Variants in ACAN observed in about 807,000 individuals in gnomAD.
ACAN encodes aggrecan core protein.
Under a neutral mutation model 169.1 loss-of-function variants are expected in ACAN, and 47 were observed. The ratio of observed to expected loss-of-function variants is 0.28; its 90% CI spans 0.22 to 0.35. The LOEUF is 0.35. ACAN is among the 10% of genes least tolerant of loss of function. The pLI is 1.00. For synonymous variants in ACAN, 1,115 were observed against 1,112.2 expected (o/e 1.00, Z -0.05); for missense variants, 2,716 against 2,759.9 (o/e 0.98, Z 0.36).
At chr15:88,813,873 A>G (rs1193997478) in intron 1 of ACAN, among the ~76,000 whole-genome samples, 1 of 152,154 alleles carries the variant, frequency 6.6e-6, no homozygotes, top group Admixed American at 6.5e-5. Flanking sequence ...TCACCTCCAG[A>G]ATAATCTGCT....
At chr15:88,816,907 A>G (rs1331397665) in intron 1 of ACAN, among the ~76,000 whole-genome samples, 1 of 152,182 alleles carries the variant, frequency 6.6e-6, no homozygotes, top group African/African-American at 2.4e-5. Flanking sequence ...AATCTGTTGA[A>G]CACAGTAACA....
rs772883781 is a variant in ACAN at position 88,871,444 on chromosome 15, G to A, written c.7123G>A (p.Asp2375Asn). 1 of 1,613,840 alleles carries A rather than the reference G, an allele frequency of 6.2e-7. No homozygotes were observed. Among genetic ancestry groups the A allele is most frequent in the African/African-American group, 1.3e-5 (1 of 74,944 alleles). Residue 2375 changes from aspartate (D) to asparagine (N), a missense_variant, in exon 15 of 19, where the codon GAC becomes AAC. This residue lies in a region of ACAN where 1,389 missense variants were observed against 1,363.7 expected (regional missense o/e 1.02). Coordinates refer to ENST00000560601, the MANE Select transcript of ACAN (RefSeq NM_001369268.1). This position sits in a 1 kb window ranked among gnomAD's most constrained non-coding sequence, Gnocchi z 7.8. ...YQGHCYRHFPDRETWVDAERR... is the reference protein window; with the variant it reads ...YQGHCYRHFPNRETWVDAERR... ...GGGCCACTGTTACCGCCACTTCCCG[G>A]ACCGCGAGACCTGGGTGGATGCTGA...
intron 1 of ACAN, among the ~76,000 whole-genome samples, chr15:88,831,166 T>C (rs1896352501): frequency 6.6e-6 from 1 of 152,242 alleles, no homozygotes; most frequent in Non-Finnish European, 1.5e-5. Context: ...ATGCATAAAA[T>C]GGACTCTGGC....
Position 88,839,997 on chromosome 15 carries a change from G to T in ACAN, c.455-15G>T. 6.3e-7 allele frequency: 1 copy of T among 1,591,598 alleles called. No individual in the cohort carries two copies. Among genetic ancestry groups the T allele is most frequent in the East Asian group, 2.3e-5 (1 of 44,020 alleles). On this transcript the variant is annotated splice_polypyrimidine_tract_variant and intron_variant, in intron 3 of 18. Coordinates refer to ENST00000560601, the MANE Select transcript of ACAN (RefSeq NM_001369268.1). This position sits in a 1 kb window ranked among gnomAD's most constrained non-coding sequence, Gnocchi z 4.5. ...GACCAGCTCTTCCGCTTGTGGGCGTGTATGTGTCTTGCAGGCATCGTGTTC... is the reference window on the plus strand; with the variant it reads ...GACCAGCTCTTCCGCTTGTGGGCGTTTATGTGTCTTGCAGGCATCGTGTTC...
At position 88,858,980 on chromosome 15, in the gene ACAN, C is replaced by G. The variant is rs765927279; in HGVS notation, c.6395C>G (p.Thr2132Ser). Residue 2132 changes from threonine (T) to serine (S), a missense_variant, in exon 12 of 19, where the codon ACC becomes AGC. Thr to Ser is a moderately conservative substitution (Grantham distance 58). Around this residue, in one of 3 missense-constraint regions of ACAN, gnomAD observed 1,389 missense variants for 1,363.7 expected, o/e 1.02. Coordinates refer to ENST00000560601, the MANE Select transcript of ACAN (RefSeq NM_001369268.1). This position sits in a 1 kb window ranked among gnomAD's most constrained non-coding sequence, Gnocchi z 4.0. ...EDSGSPDLSE[T>S]TSAFHEANLE... Reference sequence around the variant, plus strand: ...TCTGGGTCCCCTGATCTGAGTGAAACCACCTCTGCATTCCACGAAGCTAAC... The same window carrying G: ...TCTGGGTCCCCTGATCTGAGTGAAAGCACCTCTGCATTCCACGAAGCTAAC... 3.1e-6 allele frequency: 5 copies of G among 1,613,672 alleles called. No homozygotes were observed. Among genetic ancestry groups the G allele is most frequent in the Non-Finnish European group, 4.2e-6 (5 of 1,179,800 alleles).
At chr15:88,840,284 G>A (rs1896618954) in intron 4 of ACAN, 98 bp downstream of exon 4, 1 of 1,402,290 alleles carries the variant, frequency 7.1e-7, no homozygotes, top group Admixed American at 2.4e-5. Context: ...CTGAGCTGGT[G>A]CCAGCATGAC....
rs1388558866 is a variant in ACAN at position 88,839,646 on chromosome 15, C to T, written c.455-366C>T. Among the ~76,000 whole-genome samples, 1 of 152,170 alleles carries T rather than the reference C, an allele frequency of 6.6e-6. No homozygotes were observed. Among genetic ancestry groups the T allele is most frequent in the Non-Finnish European group, 1.5e-5 (1 of 68,046 alleles). On this transcript the variant is annotated intron_variant, in intron 3 of 18. Coordinates refer to ENST00000560601, the MANE Select transcript of ACAN (RefSeq NM_001369268.1). The surrounding 1 kb of genome is among the most constrained non-coding windows in gnomAD (Gnocchi z 4.5). ...TAAATGAGGTTTCCACTAGGGTGGCCCTGGGCTGAGGGTGCAGGGCATTCT... is the reference window on the plus strand; with the variant it reads ...TAAATGAGGTTTCCACTAGGGTGGCTCTGGGCTGAGGGTGCAGGGCATTCT...
Position 88,868,408 on chromosome 15 carries a change from A to C in ACAN, c.7060+79A>C. On this transcript the variant is annotated intron_variant, in intron 14 of 18. Transcript: ENST00000560601. The surrounding 1 kb of genome is among the most constrained non-coding windows in gnomAD (Gnocchi z 5.2). Reference sequence around the variant, plus strand: ...TCCCTCACCTTTCCCTCCTAACAACAGGCTCCAGGCCCTGGCTGGGGCCCC... The same window carrying C: ...TCCCTCACCTTTCCCTCCTAACAACCGGCTCCAGGCCCTGGCTGGGGCCCC... The C allele has an allele frequency of 3.1e-6, 2 of 647,262 alleles. No homozygotes were observed. Among genetic ancestry groups the C allele is most frequent in the South Asian group, 3.4e-5 (2 of 58,290 alleles). The allele number at this position is 647,262 out of a possible 1,614,324, so 40.1% of individuals were successfully genotyped here.
At position 88,815,536 on chromosome 15, in the gene ACAN, G is replaced by A. The variant is rs544587637; in HGVS notation, c.-8+11727G>A. Among the ~76,000 whole-genome samples, 4 of 149,268 alleles carry A rather than the reference G, an allele frequency of 2.7e-5. No individual in the cohort carries two copies. In the South Asian group the frequency reaches 8.6e-4, roughly 32 times the overall value. On this transcript the variant is annotated intron_variant, in intron 1 of 18. Coordinates refer to ENST00000560601, the MANE Select transcript of ACAN (RefSeq NM_001369268.1). ...ATCATGCCACTGCACTCCAGCCTGG[G>A]TGACAGAGCGAGACTCCAACTCAAG...
rs893992655 is a variant in ACAN, at chr15:88,875,284, G to A, written c.*803G>A. 1 of 144,808 alleles carries A rather than the reference G, an allele frequency of 6.9e-6. No homozygotes were observed. Among genetic ancestry groups the A allele is most frequent in the Non-Finnish European group, 1.5e-5 (1 of 66,264 alleles). 9.0% of individuals were successfully genotyped at this position (144,808 alleles called of 1,614,324 possible). ...GGGACCGTGCAGGCACCAGGGTTCC[G>A]TGCACCTATTTATATTTTTGAAAAC... On this transcript the variant is annotated 3_prime_UTR_variant, in exon 19 of 19. Coordinates refer to ENST00000560601, the MANE Select transcript of ACAN (RefSeq NM_001369268.1). The surrounding 1 kb of genome is among the most constrained non-coding windows in gnomAD (Gnocchi z 4.8).
At position 88,871,526 on chromosome 15, in the gene ACAN, A is replaced by G; in HGVS notation, c.7205A>G (p.Gln2402Arg). The G allele has an allele frequency of 6.2e-7, 1 of 1,613,088 alleles. No homozygotes were observed. Residue 2402 changes from glutamine to arginine, a missense_variant, in exon 15 of 19, where the codon CAG (glutamine) becomes CGG (arginine). By Grantham distance (43) the Gln-to-Arg change is conservative. Transcript: ENST00000560601. This position sits in a 1 kb window ranked among gnomAD's most constrained non-coding sequence, Gnocchi z 7.8. The stretch of plus-strand genomic sequence containing the variant: ...AGCAGCATCGTCACCCCCGAGGAGC[A>G]GGAGTTTGTCAACAGTGAGTGCGGC... Reference protein sequence around the residue: ...HLSSIVTPEEQEFVNNNAQDY... With the variant: ...HLSSIVTPEEREFVNNNAQDY...
chr15:88,863,391 T>A lies in ACAN; in HGVS notation c.6946+2952T>A, dbSNP rs148681328. 3.2e-3 allele frequency among the ~76,000 whole-genome samples: 480 copies of A among 152,304 alleles called. 2 individuals are homozygous for A. The highest frequency in any genetic ancestry group is 0.02 in the Middle Eastern group (6 of 294). On this transcript the variant is annotated intron_variant, in intron 13 of 18. Coordinates refer to ENST00000560601, the MANE Select transcript of ACAN (RefSeq NM_001369268.1). ...TCACCTGGAGTGCTTTTAAAAAGCA[T>A]CATGCCTGGGCCCCACTCTGAGATA... is the stretch of plus-strand genomic sequence containing the variant.
chr15:88,863,668 G>T (rs1881119321), intron 13 of ACAN, among the ~76,000 whole-genome samples: 1 of 152,122 alleles, frequency 6.6e-6, no homozygotes, highest in Admixed American at 6.5e-5. Context: ...CTATTTTTCA[G>T]TTTCTAGGTT....
chr15:88,858,114 A>G lies in ACAN; in HGVS notation c.5529A>G (p.Thr1843=), dbSNP rs1320035309. Residue 1843 remains threonine, a synonymous_variant, in exon 12 of 19, where the codon ACA becomes ACG. Coordinates refer to ENST00000560601, the MANE Select transcript of ACAN (RefSeq NM_001369268.1). The surrounding 1 kb of genome is among the most constrained non-coding windows in gnomAD (Gnocchi z 4.0). ...GTTTGGTTGAAGTGGCCCCTACTAC[A>G]TTTAAAGAAGAAGAAGGCTTAGGGT... The part of the protein sequence containing the change: ...DTSLVEVAPT[T]FKEEEGLGSV... 3.7e-6 allele frequency: 6 copies of G among 1,613,698 alleles called. No individual in the cohort carries two copies. In the African/African-American group the frequency reaches 6.7e-5, roughly 18 times the overall value.
chr15:88,873,982 C>T lies in ACAN; in HGVS notation c.7588C>T (p.Pro2530Ser), dbSNP rs754092324. The change falls in exon 18 of 19, where the codon CCC (proline) becomes TCC (serine). Residue 2530 changes from proline to serine, a missense_variant. By Grantham distance (74) the Pro-to-Ser change is moderately conservative. Coordinates refer to ENST00000560601, the MANE Select transcript of ACAN (RefSeq NM_001369268.1). The surrounding 1 kb of genome is among the most constrained non-coding windows in gnomAD (Gnocchi z 7.5). ...CCACATGCCCACCATCCGGTGCCAG[C>T]CCAGCGGGCACTGGGAGGAGCCTCA... is the stretch of plus-strand genomic sequence containing the variant. The part of the protein sequence containing the change: ...QRHMPTIRCQ[P>S]SGHWEEPQIT... 1.9e-6 allele frequency: 3 copies of T among 1,612,942 alleles called. No individual in the cohort carries two copies. The highest frequency in any genetic ancestry group is 1.7e-6 in the Non-Finnish European group (2 of 1,179,820).
In ACAN at chr15:88,845,819, T is replaced by C. The variant is rs181736584; in HGVS notation, c.1366T>C (p.Phe456Leu). 8,834 of 1,540,434 alleles carry C rather than the reference T, an allele frequency of 5.7e-3. 31 individuals carry two copies. The highest frequency in any genetic ancestry group is 6.3e-3 in the Non-Finnish European group (7,172 of 1,142,446). Residue 456 changes from phenylalanine to leucine, a missense_variant, in exon 7 of 19, where the codon TTC (phenylalanine) becomes CTC (leucine). By Grantham distance (22) the Phe-to-Leu change is conservative. This residue lies in a region of ACAN where 1,283 missense variants were observed against 1,281.5 expected (regional missense o/e 1.00). Coordinates refer to ENST00000560601, the MANE Select transcript of ACAN (RefSeq NM_001369268.1). ...PTPGLGPATA[F>L]TSEDLVVQVT... ...ACCTGGCCTGGGCCCTGCCACGGCA[T>C]TCACCAGTGAGGACCTCGTCGTGCA... is the stretch of plus-strand genomic sequence containing the variant.
rs1452306708 is a variant in ACAN at position 88,854,899 on chromosome 15, A to T, written c.2314A>T (p.Thr772Ser). ...CACTGGCGCAGCAACAGAGGAAAGT[A>T]CAGAAGGCCCTTCTGCAACTGAAGT... ...PPTGAATEES[T>S]EGPSATEVPS... Residue 772 changes from threonine to serine, a missense_variant, in exon 12 of 19, where the codon ACA becomes TCA. Physicochemically the swap from Thr to Ser is moderately conservative, Grantham distance 58. Transcript: ENST00000560601. 3 of 1,560,976 alleles carry T rather than the reference A, an allele frequency of 1.9e-6. No homozygotes were observed. Among genetic ancestry groups the T allele is most frequent in the Non-Finnish European group, 2.6e-6 (3 of 1,159,298 alleles).
At position 88,857,495 on chromosome 15, in the gene ACAN, A is replaced by G. The variant is rs780687613; in HGVS notation, c.4910A>G (p.Asp1637Gly). ...TTTAGTGGTGAGTATTCTGGGGTGG[A>G]CCTTGGAAGTGGCCCACCCTCTGGC... is the stretch of plus-strand genomic sequence containing the variant. ...SGFSGEYSGV[D>G]LGSGPPSGLP... The change falls in exon 12 of 19, where the codon GAC becomes GGC. Residue 1637 changes from aspartate to glycine, a missense_variant. By Grantham distance (94) the Asp-to-Gly change is moderately conservative. Transcript: ENST00000560601. 6.2e-7 allele frequency: 1 copy of G among 1,613,880 alleles called. No homozygotes were observed.
At chr15:88,819,425 A>AG (rs1340848825) in intron 1 of ACAN, among the ~76,000 whole-genome samples, 5 of 152,136 alleles carry the variant, frequency 3.3e-5, no homozygotes, top group Non-Finnish European at 1.5e-5. Flanking sequence ...CGTCTGTAGC[A>AG]GGCACTGAGC....
Sources: gnomAD v4.1 joint callset for allele counts (sites outside exome capture counted in the v4.1 genomes callset) on GRCh38, gnomAD v4.1.1 for gene constraint, gnomAD v4.1.1 regional missense constraint, Gnocchi (gnomAD v3.1) non-coding constraint, MANE v1.5 for transcripts, NCBI Gene and HGNC (gene_info 2026-07-23, HGNC 2026-07-21) for gene names.